VPS53: variants seen among roughly 807,000 people sequenced by gnomAD.
VPS53 encodes VPS53 subunit of GARP complex.
In VPS53, 70 loss-of-function variants were observed where a neutral mutation model predicts 107.0. The observed-to-expected ratio is 0.65, with a 90% confidence interval of 0.54 to 0.80. The LOEUF (loss-of-function observed/expected upper bound fraction) is 0.80. Ranked by LOEUF, VPS53 falls within the 30% of genes least tolerant of loss-of-function variation. The probability of loss-of-function intolerance (pLI) is 0.00; values close to 1 mark genes in which losing one functional copy is unlikely to be tolerated. For synonymous variants in VPS53, 409 were observed against 393.3 expected, an observed-to-expected ratio of 1.04 and a Z score of -0.47; for missense variants, 917 against 1,049.4, an observed-to-expected ratio of 0.87 and a Z score of 1.74.
intron 2 of VPS53, among the ~76,000 whole-genome samples, chr17:705,210 C>T (rs1431412665): frequency 6.6e-6 from 1 of 152,116 alleles, no homozygotes; most frequent in Non-Finnish European, 1.5e-5. Flanking sequence ...GCTCTTTCTC[C>T]TTACACTCAG....
chr17:615,657 G>A (rs1221039695), intron 11 of VPS53, among the ~76,000 whole-genome samples: 2 of 152,188 alleles, frequency 1.3e-5, no homozygotes, highest in African/African-American at 4.8e-5. Context: ...ATATCAAAGG[G>A]TATCAAGATA....
At chr17:612,076 T>G (rs536704679) in intron 11 of VPS53, among the ~76,000 whole-genome samples, 1 of 148,918 alleles carries the variant, frequency 6.7e-6, no homozygotes, top group African/African-American at 2.5e-5. Flanking sequence ...GTAAAAATAT[T>G]CACATAGTGA....
At chr17:679,255 C>T (rs1221672212) in intron 4 of VPS53, among the ~76,000 whole-genome samples, 1 of 152,046 alleles carries the variant, frequency 6.6e-6, no homozygotes, top group Non-Finnish European at 1.5e-5. Context: ...GTGGCTCACA[C>T]CTGTCATCCC....
intron 2 of VPS53, among the ~76,000 whole-genome samples, chr17:702,960 C>G (rs1438665463): frequency 6.6e-6 from 1 of 152,218 alleles, no homozygotes; most frequent in Non-Finnish European, 1.5e-5. Context: ...AATCCCAACA[C>G]TTTGGGAGGC....
chr17:627,031 G>A lies in VPS53; in HGVS notation c.974+143C>T, dbSNP rs367606355. 7 of 1,092,440 alleles carry A rather than the reference G, an allele frequency of 6.4e-6. No homozygotes were observed. The African/African-American group carries it at 6.5e-5, about 10-fold the overall frequency. 67.7% of individuals were successfully genotyped at this position (1,092,440 alleles called of 1,614,324 possible). A position where few individuals can be genotyped will look rare whatever the true frequency, so the allele number is the denominator to read the frequency against. On this transcript the variant is annotated intron_variant, in intron 10 of 21. Transcript: ENST00000437048. ...AGAGGGAGCAGCTGGTGGGGCCACTGTGGGGTACGAGGATGATATTAGTCA... is the reference window on the plus strand; with the variant it reads ...AGAGGGAGCAGCTGGTGGGGCCACTATGGGGTACGAGGATGATATTAGTCA...
At chr17:571,485 CCTT>C (rs1436491962) in intron 13 of VPS53, among the ~76,000 whole-genome samples, 1 of 131,942 alleles carries the variant, frequency 7.6e-6, no homozygotes, top group African/African-American at 3.0e-5. Flanking sequence ...CTCTCCCTCT[CCTT>C]CTCCCTCTCC....
chr17:702,709 A>G (rs559280979), intron 2 of VPS53, among the ~76,000 whole-genome samples: 1 of 152,268 alleles, frequency 6.6e-6, no homozygotes, highest in South Asian at 2.1e-4. Flanking sequence ...CTAAAGTTAC[A>G]CTATTTGATA....
chr17:579,185 C>A (rs200221419), intron 13 of VPS53, among the ~76,000 whole-genome samples: 2,371 of 115,994 alleles, frequency 0.02, 52 homozygotes, highest in Middle Eastern at 0.043. Flanking sequence ...CCCAGAGAAT[C>A]TCCCTCAGAA....
At chr17:521,877 A>G (rs1908787399) in intron 19 of VPS53, 139 bp from the exon 20 acceptor site, 1 of 1,035,240 alleles carries the variant, frequency 9.7e-7, no homozygotes, top group Admixed American at 3.7e-5. Flanking sequence ...AAACAGAAAT[A>G]TAAAAGAAAA....
chr17:610,152 C>T (rs1324270688), intron 11 of VPS53, among the ~76,000 whole-genome samples: 1 of 150,774 alleles, frequency 6.6e-6, no homozygotes, highest in Non-Finnish European at 1.5e-5. Flanking sequence ...CACACACACA[C>T]ACACACACAC....
In VPS53 at chr17:519,415, C is replaced by T. The variant is rs1359477167; in HGVS notation, c.2329-117G>A. 1 of 1,094,022 alleles carries T rather than the reference C, an allele frequency of 9.1e-7. No homozygotes were observed. Among genetic ancestry groups the T allele is most frequent in the African/African-American group, 1.6e-5 (1 of 62,980 alleles). 67.8% of individuals were successfully genotyped at this position (1,094,022 alleles called of 1,614,324 possible). ...GGCTCTGGAGACAGCATAGTTACTC[C>T]AGGCTGAGGATGAACCGTTTCCTCA... On this transcript the variant is annotated intron_variant, in intron 21 of 21. Transcript: ENST00000437048. The surrounding 1 kb of genome is among the most constrained non-coding windows in gnomAD (Gnocchi z 5.0).
chr17:527,276 C>T (rs925233401), intron 19 of VPS53, among the ~76,000 whole-genome samples: 70 of 135,960 alleles, frequency 5.1e-4, no homozygotes, highest in African/African-American at 2.3e-3. Context: ...CTGCTCTGAA[C>T]ATTCGTCTCT....
At chr17:556,104 C>G (rs1912321307) in intron 15 of VPS53, among the ~76,000 whole-genome samples, 2 of 152,086 alleles carry the variant, frequency 1.3e-5, no homozygotes, top group Non-Finnish European at 2.9e-5. Flanking sequence ...CAGTGAGACC[C>G]TATCTCTACA....
chr17:514,655 T>G lies in VPS53; in HGVS notation c.*4473A>C, dbSNP rs6598822. 0.17 allele frequency: 26,479 copies of G among 152,590 alleles called. 5,774 individuals carry two copies. The highest frequency in any genetic ancestry group is 0.5 in the African/African-American group (20,752 of 41,504). 9.5% of individuals were successfully genotyped at this position (152,590 alleles called of 1,614,324 possible). On this transcript the variant is annotated 3_prime_UTR_variant, in exon 22 of 22. Transcript: ENST00000437048. ...GGCATTCTTTCAACAGGGAACCAGG[T>G]CTCCTCATCCGATGGCAATTCAGGA...
chr17:521,381 G>C (rs796571582), intron 20 of VPS53, among the ~76,000 whole-genome samples: 6 of 152,158 alleles, frequency 3.9e-5, no homozygotes, highest in African/African-American at 1.4e-4. Flanking sequence ...AGAATCCCAC[G>C]CCAACAAGAA....
Position 562,665 on chromosome 17 carries a change from C to A in VPS53, c.1394G>T (p.Gly465Val). Residue 465 changes from glycine (G) to valine (V), a missense_variant, in exon 14 of 22, where the codon GGT (glycine) becomes GTT (valine). Gly to Val is a moderately radical substitution (Grantham distance 109, BLOSUM62 -3). Coordinates refer to ENST00000437048, the MANE Select transcript of VPS53 (RefSeq NM_001128159.3). ...GPPKPNTDEGGAVLPSCADLF... is the reference protein window; with the variant it reads ...GPPKPNTDEGVAVLPSCADLF... ...GTCGGCGCAGCTGGGGAGCACGGCACCCCCTTCATCAGTGTTGGGCTTAGG... is the reference window on the plus strand; with the variant it reads ...GTCGGCGCAGCTGGGGAGCACGGCAACCCCTTCATCAGTGTTGGGCTTAGG... 1 of 1,613,818 alleles carries A rather than the reference C, an allele frequency of 6.2e-7. No homozygotes were observed. The highest frequency in any genetic ancestry group is 8.5e-7 in the Non-Finnish European group (1 of 1,179,962).
chr17:683,918 C>A (rs1217879622), intron 4 of VPS53, among the ~76,000 whole-genome samples: 3 of 152,026 alleles, frequency 2.0e-5, no homozygotes, highest in Non-Finnish European at 4.4e-5. Flanking sequence ...CTCTAATTAG[C>A]AAAAATAGCA....
rs756851584 is a variant in VPS53, at chr17:520,756, T to G, written c.2224-826A>C. On this transcript the variant is annotated intron_variant, in intron 20 of 21. Transcript: ENST00000437048. The surrounding 1 kb of genome is among the most constrained non-coding windows in gnomAD (Gnocchi z 4.4). ...AGTAAGCAGCAGGGAAAGAACATGA[T>G]GAGGCAGCTTCACCCTCACCTACAT... Among the ~76,000 whole-genome samples the G allele has an allele frequency of 2.9e-5, 4 of 140,236 alleles. No homozygotes were observed. Among genetic ancestry groups the G allele is most frequent in the East Asian group, 2.3e-4 (1 of 4,378 alleles). 92.0% of individuals were successfully genotyped at this position (140,236 alleles called of 152,430 possible).
chr17:615,157 G>A (rs1969078045), intron 11 of VPS53, among the ~76,000 whole-genome samples: 2 of 152,102 alleles, frequency 1.3e-5, no homozygotes, highest in Admixed American at 6.5e-5. Context: ...AGACTCTCTT[G>A]AATTCCTCCT....
Sources: allele counts gnomAD v4.1 joint callset (sites outside exome capture counted in the v4.1 genomes callset), GRCh38; gene constraint gnomAD v4.1.1; non-coding constraint Gnocchi (gnomAD v3.1); transcripts MANE v1.5; gene names NCBI Gene and HGNC (gene_info 2026-07-23, HGNC 2026-07-21).